Variants in RABGAP1L observed in about 807,000 individuals in gnomAD.
RABGAP1L encodes the protein rab GTPase-activating protein 1-like.
A neutral mutation model predicts 137.7 loss-of-function variants in RABGAP1L; 63 were observed. That is an observed-to-expected ratio of 0.46 (90% CI 0.37 to 0.56). The LOEUF is 0.56. Ranked by LOEUF, RABGAP1L falls within the 20% of genes least tolerant of loss-of-function variation. The pLI, the probability that RABGAP1L is intolerant of heterozygous loss-of-function variation, is 0.00. For synonymous variants in RABGAP1L, 431 were observed against 433.7 expected, an observed-to-expected ratio of 0.99 and a Z score of 0.08; for missense variants, 1,095 against 1,244.0, an observed-to-expected ratio of 0.88 and a Z score of 1.80.
chr1:174,626,046 T>C (rs1255069495), intron 13 of RABGAP1L, among the ~76,000 whole-genome samples: 1 of 152,226 alleles, frequency 6.6e-6, no homozygotes, highest in Non-Finnish European at 1.5e-5. Flanking sequence ...ATTTCAGCTA[T>C]GGTGCTTTAT....
chr1:174,749,043 G>A (rs1180325255), intron 17 of RABGAP1L, among the ~76,000 whole-genome samples: 1 of 151,880 alleles, frequency 6.6e-6, no homozygotes, highest in Non-Finnish European at 1.5e-5. Flanking sequence ...CAGGTGTGGT[G>A]GCAGAGCCTG....
intron 1 of RABGAP1L, among the ~76,000 whole-genome samples, chr1:174,192,062 T>C (rs1667248492): frequency 6.6e-6 from 1 of 152,192 alleles, no homozygotes; most frequent in Non-Finnish European, 1.5e-5. Context: ...GTCTAAAAAT[T>C]TCATAGATGG....
At chr1:174,946,957 T>A in intron 19 of RABGAP1L, among the ~76,000 whole-genome samples, 1 of 118,908 alleles carries the variant, frequency 8.4e-6, no homozygotes, top group Non-Finnish European at 1.8e-5. Context: ...TGTGTGTGTG[T>A]GTGTGTGTGT....
intron 13 of RABGAP1L, among the ~76,000 whole-genome samples, chr1:174,486,397 A>G (rs373872699): frequency 6.9e-6 from 1 of 144,918 alleles, no homozygotes; most frequent in Non-Finnish European, 1.5e-5. Flanking sequence ...CCCAGGCTGG[A>G]GTGCAGTGGC....
chr1:174,702,026 C>G, intron 16 of RABGAP1L, 87 bp from the exon 17 acceptor site: 1 of 1,230,768 alleles, frequency 8.1e-7, no homozygotes, highest in East Asian at 2.4e-5. Flanking sequence ...TCATAGAAAG[C>G]TGTTTGTAAG....
intron 13 of RABGAP1L, among the ~76,000 whole-genome samples, chr1:174,625,579 T>G (rs2148290890): frequency 6.6e-6 from 1 of 152,292 alleles, no homozygotes; most frequent in South Asian, 2.1e-4. Flanking sequence ...ATTACAGGTG[T>G]GAGCCAATGC....
intron 13 of RABGAP1L, among the ~76,000 whole-genome samples, chr1:174,599,883 GT>G (rs1407518734): frequency 1.3e-5 from 2 of 152,066 alleles, no homozygotes; most frequent in African/African-American, 4.8e-5. Context: ...GGTTTGGAAT[GT>G]TTTCTGTTAT....
chr1:174,519,889 A>G (rs1228604661), intron 13 of RABGAP1L, among the ~76,000 whole-genome samples: 9 of 152,208 alleles, frequency 5.9e-5, no homozygotes, highest in Admixed American at 5.2e-4. Flanking sequence ...TCTCAGCCCC[A>G]TTGTGTATTC....
At position 174,429,148 on chromosome 1, in the gene RABGAP1L, G is replaced by A. The variant is rs1275984431; in HGVS notation, c.1710+35003G>A. ...ATGGAGTAGAATAAAGCAGGGTATT[G>A]TAAATCATTAATCTAAAGGATAGTA... On this transcript the variant is annotated intron_variant, in intron 13 of 25. Transcript: ENST00000681986. Among the ~76,000 whole-genome samples, 7 of 152,262 alleles carry A rather than the reference G, an allele frequency of 4.6e-5. No individual in the cohort carries two copies. The East Asian group carries it at 1.3e-3, about 29-fold the overall frequency.
intron 1 of RABGAP1L, among the ~76,000 whole-genome samples, chr1:174,202,531 A>T (rs1348338854): frequency 6.6e-6 from 1 of 151,924 alleles, no homozygotes; most frequent in Admixed American, 6.6e-5. Context: ...GTTTGAGTTC[A>T]TTGTAGATTC....
chr1:174,537,391 G>T (rs1664974896), intron 13 of RABGAP1L, among the ~76,000 whole-genome samples: 2 of 152,144 alleles, frequency 1.3e-5, no homozygotes, highest in African/African-American at 4.8e-5. Context: ...TTTTACTGGA[G>T]AAATCAGTGA....
intron 7 of RABGAP1L, among the ~76,000 whole-genome samples, chr1:174,272,033 G>A (rs1478506728): frequency 6.6e-6 from 1 of 151,660 alleles, no homozygotes; most frequent in African/African-American, 2.4e-5. Flanking sequence ...CCTCGTTTTT[G>A]GTTTAACTGG....
chr1:174,216,027 G>A (rs184010636), intron 1 of RABGAP1L, among the ~76,000 whole-genome samples: 25 of 152,306 alleles, frequency 1.6e-4, no homozygotes, highest in Admixed American at 9.2e-4. Flanking sequence ...ATTAGGTTAA[G>A]TGAACAGGCA....
chr1:174,349,316 G>A (rs1307707321), intron 11 of RABGAP1L, among the ~76,000 whole-genome samples: 3 of 119,076 alleles, frequency 2.5e-5, no homozygotes, highest in South Asian at 2.8e-4. Context: ...GGGCAGAGGC[G>A]CCCCTCACCT....
chr1:174,632,424 A>C (rs1376780387), intron 13 of RABGAP1L, among the ~76,000 whole-genome samples: 1 of 148,116 alleles, frequency 6.8e-6, no homozygotes, highest in Non-Finnish European at 1.5e-5. Flanking sequence ...TATTTCCTGA[A>C]TCTGAATGTT....
chr1:174,828,641 T>G lies in RABGAP1L; in HGVS notation c.2340+16681T>G, dbSNP rs947783641. On this transcript the variant is annotated intron_variant, in intron 19 of 25. Coordinates refer to ENST00000681986, the MANE Select transcript of RABGAP1L (RefSeq NM_001366446.1). The stretch of plus-strand genomic sequence containing the variant: ...GCTAATACCTACTGCACAGAGATGT[T>G]GTAAGAATTAATTAAATTAAACACA... Among the ~76,000 whole-genome samples, 6 of 148,660 alleles carry G rather than the reference T, an allele frequency of 4.0e-5. No homozygotes were observed. The East Asian group carries it at 1.3e-3, about 31-fold the overall frequency.
At chr1:174,959,231 A>G (rs1177493614) in intron 20 of RABGAP1L, among the ~76,000 whole-genome samples, 2 of 152,254 alleles carry the variant, frequency 1.3e-5, no homozygotes, top group South Asian at 2.1e-4. Context: ...TGTAAATCAC[A>G]TAGCATGCTG....
At chr1:174,511,034 A>G (rs1036491749) in intron 13 of RABGAP1L, among the ~76,000 whole-genome samples, 1 of 152,194 alleles carries the variant, frequency 6.6e-6, no homozygotes, top group Non-Finnish European at 1.5e-5. Flanking sequence ...TTTAACTACT[A>G]GTTATGTTTC....
At chr1:174,645,944 T>C (rs1330231802) in intron 14 of RABGAP1L, among the ~76,000 whole-genome samples, 1 of 152,206 alleles carries the variant, frequency 6.6e-6, no homozygotes, top group African/African-American at 2.4e-5. Flanking sequence ...TGATATGCAT[T>C]TCTCTAGTGA....
Sources: gnomAD v4.1 joint callset for allele counts (sites outside exome capture counted in the v4.1 genomes callset) on GRCh38, gnomAD v4.1.1 for gene constraint, MANE v1.5 for transcripts, NCBI Gene and HGNC (gene_info 2026-07-23, HGNC 2026-07-21) for gene names.